The following INPP4B variants were observed in gnomAD, a reference collection of about 807,000 sequenced individuals.
The protein encoded by INPP4B is inositol polyphosphate 4-phosphatase type II.
A neutral mutation model predicts 122.5 loss-of-function variants in INPP4B; 55 were observed. The observed-to-expected ratio is 0.45, with a 90% CI of 0.36 to 0.56. INPP4B has a LOEUF of 0.56. Ranked by LOEUF, INPP4B falls within the 20% of genes least tolerant of loss-of-function variation. The pLI, the probability that INPP4B is intolerant of heterozygous loss-of-function variation, is 0.00. For synonymous variants in INPP4B, 403 were observed against 388.7 expected, an observed-to-expected ratio of 1.04 and a Z score of -0.43; for missense variants, 1,000 against 1,097.7, an observed-to-expected ratio of 0.91 and a Z score of 1.26.
chr4:142,124,445 C>T, intron 19 of INPP4B, 143 bp downstream of exon 19: 1 of 681,268 alleles, frequency 1.5e-6, no homozygotes, highest in Non-Finnish European at 2.5e-6. Flanking sequence ...TGATATTTAT[C>T]GTGAATAAGA....
intron 15 of INPP4B, among the ~76,000 whole-genome samples, chr4:142,179,300 C>T (rs1829711271): frequency 6.6e-6 from 1 of 151,776 alleles, no homozygotes; most frequent in Non-Finnish European, 1.5e-5. Flanking sequence ...CAGTAAAACC[C>T]TGTCTCTACT....
intron 1 of INPP4B, among the ~76,000 whole-genome samples, chr4:142,750,427 AT>A (rs1316544619): frequency 1.3e-5 from 2 of 152,172 alleles, no homozygotes; most frequent in African/African-American, 4.8e-5. Context: ...AGAATCTATC[AT>A]TTACCAAGTG....
At position 142,136,265 on chromosome 4, in the gene INPP4B, C is replaced by T. The variant is rs889941965; in HGVS notation, c.1720+9575G>A. On this transcript the variant is annotated intron_variant, in intron 18 of 25. Transcript: ENST00000262992. ...TTGGGCTGGCGTGAAGATGGAAGGT[C>T]GGGCAGGCACTGGAGAACCCTGCAG... Among the ~76,000 whole-genome samples the T allele has an allele frequency of 1.8e-4, 27 of 152,128 alleles. 1 individual carries two copies. The highest frequency in any genetic ancestry group is 1.4e-3 in the Admixed American group (22 of 15,282).
At chr4:142,030,261 T>C (rs994509364) in intron 25 of INPP4B, 2 of 1,535,508 alleles carry the variant, frequency 1.3e-6, no homozygotes, top group African/African-American at 1.4e-5. Flanking sequence ...ACAGCCTGTT[T>C]CAGGATCATC....
At chr4:142,200,460 C>T (rs1315167110) in intron 14 of INPP4B, among the ~76,000 whole-genome samples, 1 of 151,970 alleles carries the variant, frequency 6.6e-6, no homozygotes, top group Non-Finnish European at 1.5e-5. Context: ...GGTGTCACTG[C>T]TTTCCCTTTC....
intron 7 of INPP4B, among the ~76,000 whole-genome samples, chr4:142,361,932 T>C (rs931422): frequency 0.98 from 148,732 of 152,096 alleles, 72,821 homozygotes; most frequent in East Asian, 1. Context: ...ACTCTTCACA[T>C]TGTAGGAGAT....
At chr4:142,146,564 T>C (rs1332460790) in intron 17 of INPP4B, among the ~76,000 whole-genome samples, 5 of 152,180 alleles carry the variant, frequency 3.3e-5, no homozygotes. Flanking sequence ...TTCCAGCCCT[T>C]GGCAACCACA....
At chr4:142,064,788 G>T (rs1762686921) in intron 25 of INPP4B, among the ~76,000 whole-genome samples, 1 of 151,964 alleles carries the variant, frequency 6.6e-6, no homozygotes, top group African/African-American at 2.4e-5. Context: ...ATTAAATTAT[G>T]AAACAAAACT....
intron 3 of INPP4B, among the ~76,000 whole-genome samples, chr4:142,436,698 T>C (rs7657341): frequency 2.0e-5 from 3 of 149,132 alleles, no homozygotes; most frequent in Non-Finnish European, 4.5e-5. Flanking sequence ...AACAAACAAA[T>C]AAAGCAACAA....
chr4:142,761,880 A>G (rs331945), intron 1 of INPP4B, among the ~76,000 whole-genome samples: 35,331 of 152,066 alleles, frequency 0.23, 4,365 homozygotes, highest in South Asian at 0.35. Flanking sequence ...ACCATTCCTA[A>G]AACCTCTCAA....
intron 2 of INPP4B, among the ~76,000 whole-genome samples, chr4:142,690,292 T>C (rs1480371276): frequency 1.3e-5 from 2 of 152,160 alleles, no homozygotes; most frequent in Non-Finnish European, 2.9e-5. Context: ...GAGAAAATGT[T>C]TTAAAGGTAA....
At chr4:142,686,067 A>T (rs1759305722) in intron 2 of INPP4B, among the ~76,000 whole-genome samples, 1 of 152,076 alleles carries the variant, frequency 6.6e-6, no homozygotes, top group Non-Finnish European at 1.5e-5. Flanking sequence ...TGACTCTACA[A>T]CCAGGTTGGA....
rs573338347 is a variant in INPP4B at position 142,488,341 on chromosome 4, A to G, written c.-190-25615T>C. Among the ~76,000 whole-genome samples the G allele has an allele frequency of 3.3e-5, 5 of 152,220 alleles. No homozygotes were observed. In the South Asian group the frequency reaches 1.0e-3, roughly 32 times the overall value. Reference sequence around the variant, plus strand: ...CTTTTTATCTCTTTTGATGAGGGATAATGGAATGTACTTTCTTTGAATATC... The same window carrying G: ...CTTTTTATCTCTTTTGATGAGGGATGATGGAATGTACTTTCTTTGAATATC... On this transcript the variant is annotated intron_variant, in intron 2 of 25. Transcript: ENST00000262992.
chr4:142,262,378 C>T (rs957692063), intron 10 of INPP4B, among the ~76,000 whole-genome samples: 1 of 152,096 alleles, frequency 6.6e-6, no homozygotes. Flanking sequence ...CACCTTGGGG[C>T]CTTTGCTCTT....
intron 2 of INPP4B, among the ~76,000 whole-genome samples, chr4:142,548,171 A>C (rs1347661875): frequency 6.6e-6 from 1 of 152,160 alleles, no homozygotes; most frequent in Non-Finnish European, 1.5e-5. Flanking sequence ...ATCTCTTTGG[A>C]AAGCTTAAAT....
intron 3 of INPP4B, among the ~76,000 whole-genome samples, chr4:142,442,343 C>A (rs1015014615): frequency 7.9e-6 from 1 of 126,956 alleles, no homozygotes; most frequent in African/African-American, 2.9e-5. Context: ...ACCCGGGAGG[C>A]GGAGGTTGCA....
intron 1 of INPP4B, among the ~76,000 whole-genome samples, chr4:142,810,005 A>G (rs536308692): frequency 4.1e-4 from 63 of 152,094 alleles, no homozygotes; most frequent in African/African-American, 1.5e-3. Context: ...CTTTGTCTGT[A>G]CTAAAAATAC....
In INPP4B at chr4:142,037,603, T is replaced by G. The variant is rs549274724; in HGVS notation, c.2643-8689A>C. 2.6e-4 allele frequency among the ~76,000 whole-genome samples: 39 copies of G among 152,312 alleles called. 1 individual carries two copies. In the South Asian group the frequency reaches 7.7e-3, roughly 30 times the overall value. On this transcript the variant is annotated intron_variant, in intron 25 of 25. Coordinates refer to ENST00000262992, the MANE Select transcript of INPP4B (RefSeq NM_001101669.3). ...TCCTCCCATGATAAAATGAGAACAT[T>G]TCACATTTAATTACATGCTTCAAGT...
chr4:142,058,315 C>T (rs1758770676), intron 25 of INPP4B, among the ~76,000 whole-genome samples: 2 of 152,050 alleles, frequency 1.3e-5, no homozygotes, highest in Non-Finnish European at 2.9e-5. Flanking sequence ...ATTATAAAGC[C>T]TTGAAATTGA....
Sources: gnomAD v4.1 joint callset for allele counts (sites outside exome capture counted in the v4.1 genomes callset) on GRCh38, gnomAD v4.1.1 for gene constraint, MANE v1.5 for transcripts, NCBI Gene and HGNC (gene_info 2026-07-23, HGNC 2026-07-21) for gene names.